Variants in GABBR2 observed in about 807,000 individuals in gnomAD.
GABBR2 encodes gamma-aminobutyric acid type B receptor subunit 2.
Under a neutral mutation model 105.6 loss-of-function variants are expected in GABBR2, and 23 were observed. The ratio of observed to expected loss-of-function variants is 0.22; its 90% CI spans 0.16 to 0.31. The LOEUF (loss-of-function observed/expected upper bound fraction) is 0.31, where lower values mean the gene tolerates loss of function less well. Ranked by LOEUF, GABBR2 falls within the 10% of genes least tolerant of loss-of-function variation. The pLI is 1.00. For missense variants in GABBR2, 734 were observed against 1,245.5 expected, an observed-to-expected ratio of 0.59 and a Z score of 6.18; for synonymous variants, 478 against 499.7, an observed-to-expected ratio of 0.96 and a Z score of 0.58.
At position 98,577,923 on chromosome 9, in the gene GABBR2, C is replaced by T. The variant is rs775511816; in HGVS notation, c.459+12G>A. The T allele has an allele frequency of 2.3e-5, 37 of 1,604,780 alleles. No individual in the cohort carries two copies. The highest frequency in any genetic ancestry group is 3.1e-5 in the Non-Finnish European group (36 of 1,175,180). On this transcript the variant is annotated intron_variant, in intron 2 of 18. Transcript: ENST00000259455. Reference sequence around the variant, plus strand: ...GACACCTCCCCACAAAAGAAGGTAGCTCAGACCTTACCTGCACCAGATTCC... The same window carrying T: ...GACACCTCCCCACAAAAGAAGGTAGTTCAGACCTTACCTGCACCAGATTCC...
intron 3 of GABBR2, among the ~76,000 whole-genome samples, chr9:98,533,838 G>T (rs1828117981): frequency 6.6e-6 from 1 of 152,190 alleles, no homozygotes; most frequent in South Asian, 2.1e-4. Flanking sequence ...GGACCAAAGG[G>T]GCAAAGGAAG....
intron 11 of GABBR2, among the ~76,000 whole-genome samples, chr9:98,378,602 A>G (rs1280233737): frequency 6.6e-6 from 1 of 152,222 alleles, no homozygotes; most frequent in Non-Finnish European, 1.5e-5. Context: ...GCATCCCCTG[A>G]GAGTGTGTCA....
chr9:98,685,431 A>G (rs1467675044), intron 1 of GABBR2, among the ~76,000 whole-genome samples: 1 of 152,168 alleles, frequency 6.6e-6, no homozygotes, highest in Admixed American at 6.5e-5. Flanking sequence ...CCCCCTTCAT[A>G]TATACATCTA....
At chr9:98,325,756 C>G (rs1480483996) in intron 13 of GABBR2, among the ~76,000 whole-genome samples, 2 of 152,194 alleles carry the variant, frequency 1.3e-5, no homozygotes, top group African/African-American at 2.4e-5. Context: ...GGCAGCCAAA[C>G]CACAGCATGG....
intron 13 of GABBR2, among the ~76,000 whole-genome samples, chr9:98,348,736 GTA>G (rs1190355761): frequency 6.6e-6 from 1 of 152,116 alleles, no homozygotes. Flanking sequence ...TGTTATTGGT[GTA>G]TAGAGATACT....
At chr9:98,583,296 T>C (rs987336509) in intron 1 of GABBR2, among the ~76,000 whole-genome samples, 3 of 152,244 alleles carry the variant, frequency 2.0e-5, no homozygotes, top group Non-Finnish European at 4.4e-5. Flanking sequence ...CCCAAATAGA[T>C]GGACTTTCCA....
chr9:98,623,120 T>C (rs899057073), intron 1 of GABBR2, among the ~76,000 whole-genome samples: 3 of 152,198 alleles, frequency 2.0e-5, no homozygotes, highest in African/African-American at 7.2e-5. Context: ...CTCTAAAAAT[T>C]TATTTTTAAA....
chr9:98,417,740 T>C (rs1262502474), intron 7 of GABBR2, among the ~76,000 whole-genome samples: 1 of 151,660 alleles, frequency 6.6e-6, no homozygotes, highest in Admixed American at 6.6e-5. Flanking sequence ...AATTTTTTTG[T>C]GTAAGACTAT....
chr9:98,524,168 G>A (rs1295491813), intron 3 of GABBR2, among the ~76,000 whole-genome samples: 1 of 152,124 alleles, frequency 6.6e-6, no homozygotes, highest in Admixed American at 6.5e-5. Context: ...CTTGTAAAAA[G>A]GGCAGACTGA....
At chr9:98,313,900 A>AGAT (rs1830674715) in intron 13 of GABBR2, among the ~76,000 whole-genome samples, 1 of 152,132 alleles carries the variant, frequency 6.6e-6, no homozygotes, top group African/African-American at 2.4e-5. Flanking sequence ...GGTGGGGGAA[A>AGAT]GATGGTGCTC....
chr9:98,436,278 A>T (rs1163525420), intron 7 of GABBR2, among the ~76,000 whole-genome samples: 1 of 34,374 alleles, frequency 2.9e-5, no homozygotes, highest in Non-Finnish European at 5.9e-5. Flanking sequence ...AACAACAACA[A>T]CCATATATAT....
rs35127616 is a variant in GABBR2, at chr9:98,561,294, G to GA, written c.459+16640dup. 4.6e-3 allele frequency among the ~76,000 whole-genome samples: 681 copies of GA among 149,050 alleles called. 7 individuals are homozygous for GA. Among genetic ancestry groups the GA allele is most frequent in the African/African-American group, 0.015 (625 of 40,718 alleles). On this transcript the variant is annotated intron_variant, in intron 2 of 18. Coordinates refer to ENST00000259455, the MANE Select transcript of GABBR2 (RefSeq NM_005458.8). ...ATTATATTTTCAAGCTCATTCCACT[G>GA]AAAAAAAAAAACCGTGAAGGAATGA... is the stretch of plus-strand genomic sequence containing the variant.
At chr9:98,298,076 C>A (rs540957212) in intron 17 of GABBR2, among the ~76,000 whole-genome samples, 12 of 151,218 alleles carry the variant, frequency 7.9e-5, no homozygotes, top group Non-Finnish European at 1.8e-4. Flanking sequence ...TAAAATAGTC[C>A]CTTCTCACTC....
At chr9:98,625,436 C>A (rs1449404420) in intron 1 of GABBR2, among the ~76,000 whole-genome samples, 1 of 152,234 alleles carries the variant, frequency 6.6e-6, no homozygotes, top group Non-Finnish European at 1.5e-5. Context: ...GCCCTGAGAG[C>A]TGTGTCAGGA....
chr9:98,365,114 T>C (rs1831653242), intron 12 of GABBR2, among the ~76,000 whole-genome samples: 1 of 152,216 alleles, frequency 6.6e-6, no homozygotes, highest in Admixed American at 6.5e-5. Context: ...ACACAGGTTT[T>C]GGAAGTAGAA....
intron 11 of GABBR2, among the ~76,000 whole-genome samples, chr9:98,383,199 TC>T (rs1186169874): frequency 1.3e-5 from 2 of 151,938 alleles, no homozygotes; most frequent in African/African-American, 2.4e-5. Context: ...CCTCAGCCTC[TC>T]AAAGTGCTGG....
chr9:98,658,223 T>C (rs1306432145), intron 1 of GABBR2, among the ~76,000 whole-genome samples: 1 of 152,180 alleles, frequency 6.6e-6, no homozygotes, highest in African/African-American at 2.4e-5. Flanking sequence ...ACGGGCGGTT[T>C]CCACTGGAGA....
chr9:98,608,083 G>A (rs1418906264), intron 1 of GABBR2: 19 of 1,309,648 alleles, frequency 1.5e-5, no homozygotes, highest in Admixed American at 1.8e-5. Flanking sequence ...TTAGAACAAC[G>A]AACTCTTCGA....
intron 7 of GABBR2, among the ~76,000 whole-genome samples, chr9:98,432,868 G>C (rs933597669): frequency 2.6e-5 from 4 of 152,166 alleles, no homozygotes; most frequent in Admixed American, 6.5e-5. Flanking sequence ...ATGGCCTCCA[G>C]TCTGGTCACC....
Sources: allele counts gnomAD v4.1 joint callset (sites outside exome capture counted in the v4.1 genomes callset), GRCh38; gene constraint gnomAD v4.1.1; transcripts MANE v1.5; gene names NCBI Gene and HGNC (gene_info 2026-07-23, HGNC 2026-07-21).